Variants in RUNX1 observed in about 807,000 individuals in gnomAD.
RUNX1 encodes the protein runt-related transcription factor 1.
Under a neutral mutation model 42.8 loss-of-function variants are expected in RUNX1, and 19 were observed. That is an observed-to-expected ratio of 0.44 (90% CI 0.31 to 0.65). RUNX1 has a LOEUF of 0.65. Among genes scored for constraint, RUNX1 ranks in the 30% least tolerant of loss-of-function variants. The pLI, the probability that RUNX1 is intolerant of heterozygous loss-of-function variation, is 0.07. For synonymous variants in RUNX1, 271 were observed against 289.4 expected (o/e 0.94, Z 0.64); for missense variants, 528 against 672.0 (o/e 0.79, Z 2.37).
At chr21:34,845,768 C>A (rs931583486) in intron 6 of RUNX1, among the ~76,000 whole-genome samples, 1 of 151,960 alleles carries the variant, frequency 6.6e-6, no homozygotes, top group African/African-American at 2.4e-5. Context: ...TTCTCAGCAG[C>A]TGCAGCGGAG....
At chr21:34,812,762 C>G (rs1258744522) in intron 7 of RUNX1, among the ~76,000 whole-genome samples, 1 of 152,168 alleles carries the variant, frequency 6.6e-6, no homozygotes, top group Non-Finnish European at 1.5e-5. Context: ...AGTGGGAAAC[C>G]TCCCTCCAGA....
chr21:34,985,546 T>C (rs1296951797), intron 2 of RUNX1, among the ~76,000 whole-genome samples: 2 of 152,126 alleles, frequency 1.3e-5, no homozygotes, highest in African/African-American at 4.8e-5. Context: ...ATGGTGAGCA[T>C]TAAAACACTC....
At chr21:35,011,025 C>T (rs190429370) in intron 2 of RUNX1, among the ~76,000 whole-genome samples, 11 of 152,276 alleles carry the variant, frequency 7.2e-5, no homozygotes, top group Admixed American at 2.6e-4. Flanking sequence ...GATACCACTA[C>T]CAAAATCAAA....
At chr21:34,824,316 G>A (rs77799356) in intron 7 of RUNX1, among the ~76,000 whole-genome samples, 1,919 of 152,228 alleles carry the variant, frequency 0.013, 39 homozygotes, top group African/African-American at 0.043. Flanking sequence ...TGCAAAGAGA[G>A]ACAAAAAATA....
chr21:35,012,553 G>A (rs1015268473), intron 2 of RUNX1, among the ~76,000 whole-genome samples: 5 of 152,080 alleles, frequency 3.3e-5, no homozygotes, highest in South Asian at 2.1e-4. Flanking sequence ...TAGAGGTGGC[G>A]ACTCTCTCTT....
chr21:34,963,321 T>TGCAGA (rs2088843246), intron 2 of RUNX1, among the ~76,000 whole-genome samples: 1 of 152,186 alleles, frequency 6.6e-6, no homozygotes, highest in African/African-American at 2.4e-5. Flanking sequence ...CCGGCACATC[T>TGCAGA]GCAGAGAGGC....
chr21:34,993,146 C>T (rs1273710902), intron 2 of RUNX1, among the ~76,000 whole-genome samples: 1 of 152,234 alleles, frequency 6.6e-6, no homozygotes, highest in Non-Finnish European at 1.5e-5. Flanking sequence ...AGGGTGACTG[C>T]TTTGAGGAAG....
chr21:34,926,117 T>TA (rs896309055), intron 2 of RUNX1, among the ~76,000 whole-genome samples: 1 of 152,032 alleles, frequency 6.6e-6, no homozygotes, highest in African/African-American at 2.4e-5. Flanking sequence ...TATTTTCTAA[T>TA]AAAAAAATTA....
At chr21:34,877,001 C>T (rs1037327275) in intron 5 of RUNX1, among the ~76,000 whole-genome samples, 15 of 152,124 alleles carry the variant, frequency 9.9e-5, no homozygotes, top group East Asian at 3.9e-4. Context: ...GGATTACAGG[C>T]GCCCGCCACC....
intron 2 of RUNX1, among the ~76,000 whole-genome samples, chr21:35,031,771 G>A (rs2059275043): frequency 6.6e-6 from 1 of 152,160 alleles, no homozygotes; most frequent in Admixed American, 6.5e-5. Flanking sequence ...GGCAGGCATA[G>A]AAGAACAAAC....
chr21:34,982,782 C>T (rs1308335454), intron 2 of RUNX1, among the ~76,000 whole-genome samples: 1 of 152,140 alleles, frequency 6.6e-6, no homozygotes, highest in Non-Finnish European at 1.5e-5. Flanking sequence ...GTTGGTCAGG[C>T]TGGTCTTGAC....
rs553238173 is a variant in RUNX1, at chr21:34,911,467, C to G, written c.59-18504G>C. ...GAACCCATACTCAGATAGAGGAACC[C>G]TCTGCAGTCTGCTCAGGGTTGGAGT... On this transcript the variant is annotated intron_variant, in intron 2 of 8. Coordinates refer to ENST00000675419, the MANE Select transcript of RUNX1 (RefSeq NM_001754.5). Among the ~76,000 whole-genome samples the G allele has an allele frequency of 3.9e-5, 6 of 152,312 alleles. No individual in the cohort carries two copies. In the South Asian group the frequency reaches 1.2e-3, roughly 32 times the overall value.
Position 34,791,954 on chromosome 21 carries a change from G to A in RUNX1, c.*181C>T. ...AGACGGCGGCGGCGTGGGCTTCTGG[G>A]CGCAGGAGGCTGCGCGGGCCTGACC... On this transcript the variant is annotated 3_prime_UTR_variant, in exon 9 of 9. Coordinates refer to ENST00000675419, the MANE Select transcript of RUNX1 (RefSeq NM_001754.5). The A allele has an allele frequency of 2.5e-6, 1 of 399,236 alleles. No homozygotes were observed. Among genetic ancestry groups the A allele is most frequent in the South Asian group, 2.8e-5 (1 of 35,184 alleles). 24.7% of individuals were successfully genotyped at this position (399,236 alleles called of 1,614,324 possible).
intron 2 of RUNX1, among the ~76,000 whole-genome samples, chr21:34,946,195 C>G (rs369045146): frequency 1.3e-5 from 2 of 152,208 alleles, no homozygotes; most frequent in Non-Finnish European, 2.9e-5. Flanking sequence ...GTGCCTCACA[C>G]GTTTTGCAGA....
chr21:34,865,274 T>TTGTGCG (rs1307661793), intron 5 of RUNX1, among the ~76,000 whole-genome samples: 2 of 128,106 alleles, frequency 1.6e-5, no homozygotes, highest in African/African-American at 5.9e-5. Context: ...AGGAGGGGTT[T>TTGTGCG]TGTGCGTGTG....
intron 2 of RUNX1, among the ~76,000 whole-genome samples, chr21:34,900,488 A>C (rs1413501605): frequency 1.3e-5 from 2 of 152,166 alleles, no homozygotes; most frequent in Non-Finnish European, 2.9e-5. Flanking sequence ...TTTCCCTCTG[A>C]GCTGTCCTGA....
intron 2 of RUNX1, among the ~76,000 whole-genome samples, chr21:35,001,138 A>G (rs1457147910): frequency 6.6e-6 from 1 of 151,848 alleles, no homozygotes; most frequent in African/African-American, 2.4e-5. Context: ...CACTCTCTTT[A>G]CCGTCTCTAT....
In RUNX1 at chr21:35,011,031, T is replaced by G. The variant is rs138415829; in HGVS notation, c.58+37811A>C. ...GTAAGTGAAGATACCACTACCAAAATCAAAATGCTATAAATAGAATGATAT... is the reference window on the plus strand; with the variant it reads ...GTAAGTGAAGATACCACTACCAAAAGCAAAATGCTATAAATAGAATGATAT... On this transcript the variant is annotated intron_variant, in intron 2 of 8. Transcript: ENST00000675419. Among the ~76,000 whole-genome samples the G allele has an allele frequency of 2.4e-4, 37 of 152,306 alleles. 1 individual carries two copies. In the East Asian group the frequency reaches 6.9e-3, roughly 29 times the overall value.
At chr21:35,022,396 C>T (rs2059205395) in intron 2 of RUNX1, among the ~76,000 whole-genome samples, 1 of 152,216 alleles carries the variant, frequency 6.6e-6, no homozygotes, top group South Asian at 2.1e-4. Context: ...TATCAGTAAT[C>T]TCCTATCCCT....
Sources: allele counts gnomAD v4.1 joint callset (sites outside exome capture counted in the v4.1 genomes callset), GRCh38; gene constraint gnomAD v4.1.1; transcripts MANE v1.5; gene names NCBI Gene and HGNC (gene_info 2026-07-23, HGNC 2026-07-21).